CNBD1: variants seen among roughly 807,000 people sequenced by gnomAD.
CNBD1 encodes cyclic nucleotide-binding domain-containing protein 1.
A neutral mutation model predicts 54.4 loss-of-function variants in CNBD1; 71 were observed. The ratio of observed to expected loss-of-function variants is 1.30; its 90% CI spans 1.08 to 1.59. The LOEUF is 1.59. CNBD1 is among the 40% of genes most tolerant of loss of function. CNBD1 has a pLI of 0.00. For synonymous variants in CNBD1, 182 were observed against 170.7 expected (o/e 1.07, Z -0.51); for missense variants, 659 against 518.0 (o/e 1.27, Z -2.64).
intron 10 of CNBD1, among the ~76,000 whole-genome samples, chr8:87,370,242 C>T (rs1481714493): frequency 6.6e-6 from 1 of 151,950 alleles, no homozygotes; most frequent in Non-Finnish European, 1.5e-5. Flanking sequence ...GGTATATACC[C>T]AGTAATGGGA....
chr8:86,933,332 G>GAAAAATGAAAA (rs1447936041), intron 3 of CNBD1, among the ~76,000 whole-genome samples: 2 of 151,836 alleles, frequency 1.3e-5, no homozygotes, highest in East Asian at 3.9e-4. Flanking sequence ...CTACAGACTA[G>GAAAAATGAAAA]AAAAATGAAA....
intron 4 of CNBD1, among the ~76,000 whole-genome samples, 180 bp from the exon 5 acceptor site, chr8:87,205,813 G>A (rs995055101): frequency 8.6e-5 from 13 of 151,918 alleles, no homozygotes; most frequent in East Asian, 3.9e-4. Flanking sequence ...TCTTAATGTC[G>A]GAAGGGTAAC....
At chr8:87,023,114 A>G (rs1809523351) in intron 4 of CNBD1, among the ~76,000 whole-genome samples, 1 of 152,230 alleles carries the variant, frequency 6.6e-6, no homozygotes, top group East Asian at 1.9e-4. Flanking sequence ...AATGAAAGTT[A>G]CTGGTCTTTC....
chr8:87,414,693 T>G (rs1419265035), intron 2 of CNBD1, among the ~76,000 whole-genome samples: 1 of 152,102 alleles, frequency 6.6e-6, no homozygotes, highest in Non-Finnish European at 1.5e-5. Flanking sequence ...CATTACTGGT[T>G]ATCCTTGTTA....
chr8:87,259,964 GA>G (rs1276785182), intron 6 of CNBD1, among the ~76,000 whole-genome samples: 1 of 152,008 alleles, frequency 6.6e-6, no homozygotes, highest in Non-Finnish European at 1.5e-5. Flanking sequence ...TCGGAGAAAG[GA>G]AAATTTAAGA....
At chr8:87,312,171 C>T (rs545799981) in intron 8 of CNBD1, among the ~76,000 whole-genome samples, 24 of 152,096 alleles carry the variant, frequency 1.6e-4, no homozygotes, top group East Asian at 1.5e-3. Flanking sequence ...TTGTAATTTT[C>T]GCAATAAAAC....
intron 6 of CNBD1, among the ~76,000 whole-genome samples, chr8:87,247,616 G>T (rs969158561): frequency 3.7e-5 from 5 of 136,686 alleles, no homozygotes; most frequent in African/African-American, 1.2e-4. Context: ...ATGCTGCCAG[G>T]GGTGATTTTT....
At chr8:87,403,733 G>C (rs1807605761) in intron 2 of CNBD1, among the ~76,000 whole-genome samples, 1 of 151,742 alleles carries the variant, frequency 6.6e-6, no homozygotes, top group Non-Finnish European at 1.5e-5. Context: ...CTAGAGATCA[G>C]ATATTTTCTA....
At chr8:87,060,790 A>G (rs1810527575) in intron 4 of CNBD1, among the ~76,000 whole-genome samples, 1 of 152,124 alleles carries the variant, frequency 6.6e-6, no homozygotes, top group South Asian at 2.1e-4. Context: ...AAAGTTTAAT[A>G]TATATATTAT....
intron 8 of CNBD1, among the ~76,000 whole-genome samples, chr8:87,334,707 CTTTTCTTTTTTCTTTTCTT>C (rs1218407506): frequency 2.1e-5 from 3 of 141,450 alleles, no homozygotes; most frequent in African/African-American, 7.9e-5. Flanking sequence ...TTTTTCTTTT[CTTTTCTTTTTTCTTTTCTT>C]TTTTTTTTTT....
chr8:86,887,611 G>T lies in CNBD1; in HGVS notation c.158G>T (p.Ser53Ile). Residue 53 changes from serine to isoleucine, a missense_variant and splice_region_variant, in exon 2 of 11, where the codon AGC becomes ATC. Transcript: ENST00000518476. Reference sequence around the variant, plus strand: ...TTATGCCACATTAGAGGACAACACAGGTAAGCTATTCATGCATTTCTTTTT... The same window carrying T: ...TTATGCCACATTAGAGGACAACACATGTAAGCTATTCATGCATTTCTTTTT... ...NALCHIRGQH[S>I]RSMSNILSAH... 1 of 1,571,800 alleles carries T rather than the reference G, an allele frequency of 6.4e-7. No homozygotes were observed. Among genetic ancestry groups the T allele is most frequent in the Non-Finnish European group, 8.7e-7 (1 of 1,154,634 alleles).
At chr8:87,395,848 C>A (rs940874303) in intron 2 of CNBD1, among the ~76,000 whole-genome samples, 1 of 151,750 alleles carries the variant, frequency 6.6e-6, no homozygotes, top group Non-Finnish European at 1.5e-5. Flanking sequence ...ATACTGTCAG[C>A]GTTATAGTGA....
downstream of CNBD1, chr8:87,382,904 T>C (rs577443749): frequency 3.0e-5 from 9 of 301,944 alleles, no homozygotes; most frequent in African/African-American, 2.6e-4. Context: ...TCGGTATACA[T>C]GTAAAGTAGT....
At chr8:87,309,288 AT>A (rs1809217556) in intron 8 of CNBD1, among the ~76,000 whole-genome samples, 2 of 152,166 alleles carry the variant, frequency 1.3e-5, no homozygotes, top group Non-Finnish European at 1.5e-5. Flanking sequence ...CTAGGATAAT[AT>A]AATCGGTTTC....
intron 4 of CNBD1, among the ~76,000 whole-genome samples, chr8:87,116,667 A>G (rs1161725233): frequency 6.6e-6 from 1 of 152,000 alleles, no homozygotes; most frequent in East Asian, 1.9e-4. Flanking sequence ...TCTCCTCCCC[A>G]CCTAGTCCTC....
chr8:87,212,180 T>C, intron 5 of CNBD1, among the ~76,000 whole-genome samples: 1 of 152,150 alleles, frequency 6.6e-6, no homozygotes, highest in East Asian at 1.9e-4. Flanking sequence ...AGTGCAAGAC[T>C]TGTACATTGA....
chr8:87,295,643 T>C (rs1808864071), intron 8 of CNBD1, among the ~76,000 whole-genome samples: 2 of 152,066 alleles, frequency 1.3e-5, no homozygotes, highest in South Asian at 2.1e-4. Flanking sequence ...TCTTTCTACT[T>C]CTCACAAATG....
At chr8:87,421,302 T>C (rs1807931524) in intron 2 of CNBD1, among the ~76,000 whole-genome samples, 1 of 151,942 alleles carries the variant, frequency 6.6e-6, no homozygotes, top group Admixed American at 6.6e-5. Flanking sequence ...ACTTTAAGTT[T>C]TAGGGTACAT....
chr8:86,948,298 T>C (rs1334172838), intron 4 of CNBD1, among the ~76,000 whole-genome samples: 1 of 152,090 alleles, frequency 6.6e-6, no homozygotes, highest in African/African-American at 2.4e-5. Context: ...TGCTGGATCA[T>C]ATACCTCTAA....
Sources: gnomAD v4.1 joint callset for allele counts (sites outside exome capture counted in the v4.1 genomes callset) on GRCh38, gnomAD v4.1.1 for gene constraint, MANE v1.5 for transcripts, NCBI Gene and HGNC (gene_info 2026-07-23, HGNC 2026-07-21) for gene names.